The following RAB6B variants were observed in gnomAD, a reference collection of about 807,000 sequenced individuals.
RAB6B encodes RAB6B, member RAS oncogene family.
In RAB6B, 7 loss-of-function variants were observed where a neutral mutation model predicts 31.2. That is an observed-to-expected ratio of 0.22 (90% CI 0.13 to 0.42). RAB6B has a LOEUF of 0.42. Among genes scored for constraint, RAB6B ranks in the 10% least tolerant of loss-of-function variants. The pLI is 1.00. For synonymous variants in RAB6B, 105 were observed against 104.9 expected (o/e 1.00, Z -0.01); for missense variants, 149 against 280.6 (o/e 0.53, Z 3.35).
At chr3:133,836,337 CA>C (rs1935734247) in intron 6 of RAB6B, among the ~76,000 whole-genome samples, 1 of 152,242 alleles carries the variant, frequency 6.6e-6, no homozygotes, top group Non-Finnish European at 1.5e-5. Context: ...GTCTGGCTCT[CA>C]AAACAGTCAC....
chr3:133,834,486 G>A, intron 7 of RAB6B, 89 bp downstream of exon 7: 1 of 1,398,252 alleles, frequency 7.2e-7, no homozygotes. Flanking sequence ...GGCGGGGACT[G>A]GGCGAGTGTC....
chr3:133,825,204 G>A lies in RAB6B; in HGVS notation c.*3584C>T, dbSNP rs1256334327. ...GACATCCTCACCTGCCTTCCATCTT[G>A]TGAAGGAATGAGGCTGCTCTACCTG... On this transcript the variant is annotated 3_prime_UTR_variant, in exon 8 of 8. Coordinates refer to ENST00000285208, the MANE Select transcript of RAB6B (RefSeq NM_016577.4). The A allele has an allele frequency of 6.6e-6, 1 of 152,196 alleles. No homozygotes were observed. The highest frequency in any genetic ancestry group is 1.5e-5 in the Non-Finnish European group (1 of 68,062). The allele number at this position is 152,196 out of a possible 1,614,324, so 9.4% of individuals were successfully genotyped here.
In RAB6B at chr3:133,838,226, G is replaced by T. The variant is rs138605424; in HGVS notation, c.435C>A (p.Ala145=). The stretch of plus-strand genomic sequence containing the variant: ...CAATGAACATGACGCTCAGTTCTTT[G>T]GCGCGCTGCTCCCCCTCCTCGATGG... The part of the protein sequence containing the change: ...QITIEEGEQR[A]KELSVMFIET... Residue 145 remains alanine, a synonymous_variant, in exon 6 of 8, where the codon GCC becomes GCA. Coordinates refer to ENST00000285208, the MANE Select transcript of RAB6B (RefSeq NM_016577.4). 273 of 1,614,162 alleles carry T rather than the reference G, an allele frequency of 1.7e-4. No homozygotes were observed. Among genetic ancestry groups the T allele is most frequent in the Non-Finnish European group, 2.2e-4 (254 of 1,180,010 alleles).
intron 1 of RAB6B, among the ~76,000 whole-genome samples, chr3:133,884,516 C>T (rs189933469): frequency 8.9e-4 from 136 of 152,298 alleles, no homozygotes; most frequent in Non-Finnish European, 1.5e-4. Context: ...TTGGGGACTC[C>T]GGAGCTTGCT....
chr3:133,889,388 T>TTTTTTATATATATATATATATA (rs1277081488), intron 1 of RAB6B, among the ~76,000 whole-genome samples: 1 of 80,276 alleles, frequency 1.2e-5, no homozygotes, highest in Non-Finnish European at 2.5e-5. Flanking sequence ...GGTTATTTTG[T>TTTTTTATATATATATATATATA]TATATATATA....
At chr3:133,887,100 T>C (rs1458437165) in intron 1 of RAB6B, among the ~76,000 whole-genome samples, 1 of 152,112 alleles carries the variant, frequency 6.6e-6, no homozygotes, top group Non-Finnish European at 1.5e-5. Context: ...CCCTCTTGGC[T>C]CTGTCCTTTC....
intron 1 of RAB6B, among the ~76,000 whole-genome samples, chr3:133,889,423 TATATATATATATATA>T: frequency 1.6e-5 from 1 of 63,532 alleles, no homozygotes; most frequent in African/African-American, 6.3e-5. Flanking sequence ...TATATATATA[TATATATATATATATA>T]TATATATTTA....
intron 1 of RAB6B, among the ~76,000 whole-genome samples, chr3:133,892,892 T>TA (rs1936656095): frequency 6.6e-6 from 1 of 152,258 alleles, no homozygotes; most frequent in South Asian, 2.1e-4. Flanking sequence ...GAAGCGGCTG[T>TA]GGAGGTGACT....
chr3:133,890,577 A>T (rs1023476832), intron 1 of RAB6B, among the ~76,000 whole-genome samples: 4 of 152,138 alleles, frequency 2.6e-5, no homozygotes, highest in Non-Finnish European at 2.9e-5. Flanking sequence ...TATTGCTGGT[A>T]AAAAATCTGG....
intron 1 of RAB6B, among the ~76,000 whole-genome samples, chr3:133,870,299 T>C (rs1362040254): frequency 1.3e-5 from 2 of 152,060 alleles, no homozygotes; most frequent in African/African-American, 4.8e-5. Flanking sequence ...GAGAAGAGCA[T>C]GGGGGAAACC....
At chr3:133,847,245 CAA>C (rs1463507707) in intron 2 of RAB6B, among the ~76,000 whole-genome samples, 2 of 152,338 alleles carry the variant, frequency 1.3e-5, no homozygotes, top group East Asian at 1.9e-4. Flanking sequence ...AAATGGAAGA[CAA>C]GAGATGCTAA....
At chr3:133,848,527 C>T (rs1935935911) in intron 2 of RAB6B, among the ~76,000 whole-genome samples, 1 of 152,180 alleles carries the variant, frequency 6.6e-6, no homozygotes, top group East Asian at 1.9e-4. Context: ...AAGAAATTTA[C>T]TTATCACAAT....
chr3:133,865,015 T>G (rs1936216291), intron 1 of RAB6B, among the ~76,000 whole-genome samples: 2 of 152,246 alleles, frequency 1.3e-5, no homozygotes, highest in African/African-American at 4.8e-5. Context: ...CTCTCGTACT[T>G]GCCCATGTAC....
chr3:133,841,096 A>C (rs1366018604), intron 4 of RAB6B, among the ~76,000 whole-genome samples, 189 bp downstream of exon 4: 1 of 152,120 alleles, frequency 6.6e-6, no homozygotes, highest in Non-Finnish European at 1.5e-5. Flanking sequence ...GGAGCAGTGG[A>C]AACCATGTTG....
intron 1 of RAB6B, among the ~76,000 whole-genome samples, chr3:133,882,744 G>A (rs1294957963): frequency 1.3e-5 from 2 of 152,198 alleles, no homozygotes; most frequent in East Asian, 3.8e-4. Flanking sequence ...GCTGAGTGTG[G>A]TCTTCTTGCT....
chr3:133,880,766 G>C (rs1936456581), intron 1 of RAB6B, among the ~76,000 whole-genome samples: 1 of 152,210 alleles, frequency 6.6e-6, no homozygotes, highest in Non-Finnish European at 1.5e-5. Flanking sequence ...TGCAGAGCCA[G>C]GTGGTGAGGG....
At chr3:133,829,549 G>A (rs955869061) in intron 7 of RAB6B, among the ~76,000 whole-genome samples, 8 of 152,180 alleles carry the variant, frequency 5.3e-5, no homozygotes, top group Middle Eastern at 3.2e-3. Flanking sequence ...CATCAAACCA[G>A]ACCTAATTAT....
intron 1 of RAB6B, among the ~76,000 whole-genome samples, chr3:133,890,324 G>T (rs1379166462): frequency 6.6e-6 from 1 of 152,170 alleles, no homozygotes; most frequent in Non-Finnish European, 1.5e-5. Context: ...ACATGATCCA[G>T]CTGGGCACCA....
chr3:133,846,444 C>T (rs1329105150), intron 2 of RAB6B, among the ~76,000 whole-genome samples: 1 of 152,088 alleles, frequency 6.6e-6, no homozygotes, highest in Non-Finnish European at 1.5e-5. Context: ...GAGACTCTGT[C>T]TCCCAAAAAA....
Sources: allele counts gnomAD v4.1 joint callset (sites outside exome capture counted in the v4.1 genomes callset), GRCh38; gene constraint gnomAD v4.1.1; transcripts MANE v1.5; gene names NCBI Gene and HGNC (gene_info 2026-07-23, HGNC 2026-07-21).